Variants in DNAH7 observed in about 807,000 individuals in gnomAD.
The protein encoded by DNAH7 is axonemal beta dynein heavy chain 7.
DNAH7 carries 397 observed loss-of-function variants against 444.6 expected under a neutral mutation model. That is an observed-to-expected ratio of 0.89 (90% CI 0.82 to 0.97). DNAH7 has a LOEUF of 0.97. DNAH7 is among the 50% of genes least tolerant of loss of function. DNAH7 has a pLI of 0.00. For missense variants in DNAH7, 4,902 were observed against 4,800.8 expected, an observed-to-expected ratio of 1.02 and a Z score of -0.62; for synonymous variants, 1,636 against 1,624.4, an observed-to-expected ratio of 1.01 and a Z score of -0.17.
intron 7 of DNAH7, among the ~76,000 whole-genome samples, chr2:196,024,850 G>A (rs958604368): frequency 1.3e-5 from 2 of 151,794 alleles, no homozygotes; most frequent in Admixed American, 6.6e-5. Context: ...GATAGCAGTA[G>A]TTCTATTTCA....
At chr2:195,865,448 C>T (rs929675717) in intron 40 of DNAH7, among the ~76,000 whole-genome samples, 4 of 152,080 alleles carry the variant, frequency 2.6e-5, no homozygotes, top group Non-Finnish European at 5.9e-5. Context: ...ATTGACAAAT[C>T]AATAGTTTTT....
intron 63 of DNAH7, 137 bp from the exon 64 acceptor site, chr2:195,741,006 C>T (rs541540085): frequency 1.1e-5 from 4 of 368,320 alleles, no homozygotes; most frequent in African/African-American, 8.4e-5. Flanking sequence ...CCAATGAAAG[C>T]AATCTCCTGA....
At chr2:195,773,495 T>A (rs1255175310) in intron 60 of DNAH7, among the ~76,000 whole-genome samples, 1 of 151,960 alleles carries the variant, frequency 6.6e-6, no homozygotes, top group Non-Finnish European at 1.5e-5. Flanking sequence ...ACGCAAACAT[T>A]CCCCTTACCT....
intron 63 of DNAH7, among the ~76,000 whole-genome samples, chr2:195,753,330 G>C (rs772836886): frequency 5.3e-5 from 8 of 152,180 alleles, no homozygotes; most frequent in Non-Finnish European, 1.0e-4. Flanking sequence ...GGGAATAGTA[G>C]TGGGATTGCT....
chr2:196,043,097 T>G (rs1018660127), intron 5 of DNAH7, among the ~76,000 whole-genome samples: 5 of 152,146 alleles, frequency 3.3e-5, no homozygotes, highest in Non-Finnish European at 7.4e-5. Flanking sequence ...GAAGCTTTTG[T>G]GAATGACAAA....
chr2:195,983,557 GAAGGC>G (rs1438612741), intron 15 of DNAH7, among the ~76,000 whole-genome samples: 3 of 152,102 alleles, frequency 2.0e-5, no homozygotes, highest in Admixed American at 2.0e-4. Flanking sequence ...TTACCATCAG[GAAGGC>G]ACCAAGCCAT....
At chr2:196,010,831 T>C (rs1694685772) in intron 10 of DNAH7, among the ~76,000 whole-genome samples, 1 of 152,194 alleles carries the variant, frequency 6.6e-6, no homozygotes, top group African/African-American at 2.4e-5. Context: ...TAAAAATGAA[T>C]ATAATCCTGT....
intron 10 of DNAH7, among the ~76,000 whole-genome samples, chr2:196,008,293 G>C (rs1045151578): frequency 2.0e-5 from 3 of 152,030 alleles, no homozygotes; most frequent in Non-Finnish European, 4.4e-5. Context: ...ACAAGTGCTG[G>C]AAAGTGTGTG....
intron 61 of DNAH7, among the ~76,000 whole-genome samples, chr2:195,763,146 A>C (rs1054982630): frequency 1.3e-5 from 2 of 152,192 alleles, no homozygotes; most frequent in African/African-American, 4.8e-5. Flanking sequence ...GGAAATTCAA[A>C]ATTTTCTTGA....
chr2:196,045,792 A>G (rs1384634094), intron 5 of DNAH7, among the ~76,000 whole-genome samples: 2 of 152,142 alleles, frequency 1.3e-5, no homozygotes, highest in African/African-American at 4.8e-5. Flanking sequence ...CAATAAAAAT[A>G]AAGGAAGAAT....
intron 60 of DNAH7, among the ~76,000 whole-genome samples, chr2:195,773,881 T>G (rs1694950061): frequency 6.6e-6 from 1 of 152,256 alleles, no homozygotes. Context: ...GATAGCTTCC[T>G]CTTTTATTTT....
At chr2:195,994,550 G>T in intron 12 of DNAH7, 2 of 481,730 alleles carry the variant, frequency 4.2e-6, no homozygotes. Context: ...TGTGGTCTTG[G>T]TTGTTTGTTT....
At chr2:195,776,011 G>C (rs1426462849) in intron 59 of DNAH7, 28 bp from the exon 60 acceptor site, 1 of 1,608,536 alleles carries the variant, frequency 6.2e-7, no homozygotes, top group Non-Finnish European at 8.5e-7. Flanking sequence ...AAGAAGTCAG[G>C]AGGTTAGAAA....
intron 54 of DNAH7, among the ~76,000 whole-genome samples, chr2:195,806,275 T>A (rs1388193203): frequency 6.6e-6 from 1 of 152,180 alleles, no homozygotes; most frequent in East Asian, 1.9e-4. Context: ...AAGTTAAAAG[T>A]AACAATATTG....
At chr2:195,810,588 T>G (rs151202110) in intron 51 of DNAH7, among the ~76,000 whole-genome samples, 1 of 151,388 alleles carries the variant, frequency 6.6e-6, no homozygotes, top group Admixed American at 6.6e-5. Flanking sequence ...ATTTTGGCAA[T>G]GTCCTAACTG....
intron 20 of DNAH7, among the ~76,000 whole-genome samples, chr2:195,936,136 G>A (rs1042616414): frequency 5.9e-5 from 9 of 151,836 alleles, no homozygotes; most frequent in African/African-American, 2.2e-4. Context: ...CACTTTGGGA[G>A]GCCGAGGCAG....
At chr2:195,870,165 G>C (rs963405643) in intron 40 of DNAH7, among the ~76,000 whole-genome samples, 4 of 152,114 alleles carry the variant, frequency 2.6e-5, no homozygotes, top group Non-Finnish European at 4.4e-5. Context: ...AGTGTTTTCT[G>C]TGTGCCAGGC....
At chr2:195,950,223 T>C (rs6756993) in intron 19 of DNAH7, among the ~76,000 whole-genome samples, 36,922 of 152,038 alleles carry the variant, frequency 0.24, 5,998 homozygotes, top group African/African-American at 0.47. Flanking sequence ...CGGCTGTGAA[T>C]CTCTCTGGTC....
chr2:195,849,196 T>G (rs1269859411), intron 46 of DNAH7, among the ~76,000 whole-genome samples: 1 of 152,238 alleles, frequency 6.6e-6, no homozygotes, highest in Non-Finnish European at 1.5e-5. Flanking sequence ...GGGAATACCC[T>G]TAAGCTAAAT....
Sources: allele counts gnomAD v4.1 joint callset (sites outside exome capture counted in the v4.1 genomes callset), GRCh38; gene constraint gnomAD v4.1.1; transcripts MANE v1.5; gene names NCBI Gene and HGNC (gene_info 2026-07-23, HGNC 2026-07-21).